The following CALCR variants were observed in gnomAD, a reference collection of about 807,000 sequenced individuals.
CALCR encodes the protein calcitonin receptor.
A neutral mutation model predicts 59.5 loss-of-function variants in CALCR; 47 were observed. The observed-to-expected ratio is 0.79, with a 90% CI of 0.63 to 1.01. The LOEUF (loss-of-function observed/expected upper bound fraction) is 1.01. Ranked by LOEUF, CALCR falls within the 50% of genes least tolerant of loss-of-function variation. The pLI, the probability that CALCR is intolerant of heterozygous loss-of-function variation, is 0.00. For missense variants in CALCR, 566 were observed against 597.1 expected (o/e 0.95, Z 0.54); for synonymous variants, 213 against 211.3 (o/e 1.01, Z -0.07).
intron 2 of CALCR, among the ~76,000 whole-genome samples, chr7:93,523,145 G>C (rs965388800): frequency 6.6e-6 from 1 of 152,124 alleles, no homozygotes; most frequent in Non-Finnish European, 1.5e-5. Flanking sequence ...TAATCAGGTT[G>C]CTAATTTGTT....
chr7:93,458,700 C>A (rs1463009301), intron 8 of CALCR, among the ~76,000 whole-genome samples: 2 of 152,122 alleles, frequency 1.3e-5, no homozygotes, highest in East Asian at 1.9e-4. Flanking sequence ...TCCGCAGGGC[C>A]TCCTTTACCA....
intron 2 of CALCR, among the ~76,000 whole-genome samples, chr7:93,536,174 G>T (rs185428851): frequency 1.3e-5 from 2 of 151,816 alleles, no homozygotes; most frequent in East Asian, 3.9e-4. Flanking sequence ...TGCAGCAAGT[G>T]TAAGAGCATT....
intron 13 of CALCR, among the ~76,000 whole-genome samples, chr7:93,427,315 T>C (rs143854627): frequency 5.8e-4 from 89 of 152,356 alleles, no homozygotes; most frequent in Non-Finnish European, 1.2e-3. Flanking sequence ...TTTGCTTGTC[T>C]AGCTCTGCTT....
At chr7:93,493,074 A>G (rs1388636737) in intron 2 of CALCR, among the ~76,000 whole-genome samples, 1 of 151,328 alleles carries the variant, frequency 6.6e-6, no homozygotes, top group East Asian at 1.9e-4. Context: ...ATGTATTTTC[A>G]TCTACATAAA....
intron 2 of CALCR, among the ~76,000 whole-genome samples, chr7:93,522,724 C>G (rs1423411072): frequency 6.6e-6 from 1 of 152,202 alleles, no homozygotes; most frequent in African/African-American, 2.4e-5. Flanking sequence ...AGCATGCCAT[C>G]TGTGCTCCAG....
At chr7:93,448,367 A>G (rs958202910) in intron 8 of CALCR, among the ~76,000 whole-genome samples, 2 of 152,026 alleles carry the variant, frequency 1.3e-5, no homozygotes, top group Admixed American at 6.6e-5. Flanking sequence ...AGAATTAAAA[A>G]TAACAGCCAT....
chr7:93,530,859 T>C (rs939137111), intron 2 of CALCR, among the ~76,000 whole-genome samples: 2 of 152,100 alleles, frequency 1.3e-5, no homozygotes, highest in African/African-American at 4.8e-5. Flanking sequence ...GTTCTCCAAG[T>C]GTGGTCCCTG....
chr7:93,494,237 T>G (rs1195235269), intron 2 of CALCR, among the ~76,000 whole-genome samples: 1 of 151,402 alleles, frequency 6.6e-6, no homozygotes, highest in Non-Finnish European at 1.5e-5. Context: ...ATGTCATGTA[T>G]TTGATATTTT....
intron 12 of CALCR, 24 bp from the exon 13 acceptor site, chr7:93,434,318 G>T (rs771567294): frequency 1.2e-5 from 19 of 1,573,124 alleles, no homozygotes; most frequent in South Asian, 2.2e-5. Flanking sequence ...GAAAAATACA[G>T]TTGAAGTTAT....
At chr7:93,501,848 T>G (rs911955911) in intron 2 of CALCR, among the ~76,000 whole-genome samples, 19 of 152,122 alleles carry the variant, frequency 1.2e-4, no homozygotes, top group African/African-American at 4.6e-4. Flanking sequence ...CTTCTCCAAC[T>G]GACAGTTGAC....
At chr7:93,470,517 A>G (rs1584561259) in intron 6 of CALCR, among the ~76,000 whole-genome samples, 1 of 151,768 alleles carries the variant, frequency 6.6e-6, no homozygotes, top group African/African-American at 2.4e-5. Context: ...CTTAATTCAT[A>G]TTCTTTTCAG....
chr7:93,465,331 C>G (rs1296897854), intron 7 of CALCR, among the ~76,000 whole-genome samples: 1 of 151,932 alleles, frequency 6.6e-6, no homozygotes, highest in Non-Finnish European at 1.5e-5. Flanking sequence ...TTTCCCAAAC[C>G]AGTCTTCCCT....
At chr7:93,541,709 AT>A (rs1258025892) in intron 2 of CALCR, among the ~76,000 whole-genome samples, 2 of 152,156 alleles carry the variant, frequency 1.3e-5, no homozygotes, top group Non-Finnish European at 2.9e-5. Flanking sequence ...GCTGAGTGCA[AT>A]TCAAGTTCCA....
At chr7:93,468,073 G>C (rs1368258898) in intron 7 of CALCR, among the ~76,000 whole-genome samples, 1 of 151,672 alleles carries the variant, frequency 6.6e-6, no homozygotes, top group African/African-American at 2.4e-5. Flanking sequence ...ATATGTAACA[G>C]TTTCTAACTT....
At chr7:93,436,714 T>C (rs752464348) in intron 11 of CALCR, among the ~76,000 whole-genome samples, 1 of 152,218 alleles carries the variant, frequency 6.6e-6, no homozygotes, top group Non-Finnish European at 1.5e-5. Context: ...ATGAAGATAC[T>C]CAACATAATG....
At chr7:93,482,073 A>C (rs1298313316) in intron 3 of CALCR, among the ~76,000 whole-genome samples, 2 of 151,896 alleles carry the variant, frequency 1.3e-5, no homozygotes, top group Non-Finnish European at 2.9e-5. Context: ...ATAAAGAATC[A>C]TCAGTCATAA....
rs79481528 is a variant in CALCR at position 93,426,070 on chromosome 7, A to C, written c.*286T>G. The C allele has an allele frequency of 2.8e-3, 855 of 307,230 alleles. 4 individuals carry two copies. The highest frequency in any genetic ancestry group is 0.016 in the African/African-American group (773 of 46,890). The allele number at this position is 307,230 out of a possible 1,614,324, so 19.0% of individuals were successfully genotyped here. A position where few individuals can be genotyped will look rare whatever the true frequency, so the allele number is the denominator to read the frequency against. On this transcript the variant is annotated 3_prime_UTR_variant, in exon 14 of 14. Transcript: ENST00000426151. Reference sequence around the variant, plus strand: ...CCTGTATCTGAACTAGGTCAATTTCATTGTTTTTCTTTGATACTTTGCTTG... The same window carrying C: ...CCTGTATCTGAACTAGGTCAATTTCCTTGTTTTTCTTTGATACTTTGCTTG...
intron 3 of CALCR, chr7:93,484,001 A>G: frequency 1.9e-6 from 1 of 520,768 alleles, no homozygotes. Flanking sequence ...CGTCACACAT[A>G]CGACCACCAA....
rs541091049 is a variant in CALCR, at chr7:93,560,321, C to T, written c.-27+13968G>A. Among the ~76,000 whole-genome samples the T allele has an allele frequency of 1.1e-4, 16 of 152,118 alleles. 1 individual carries two copies. In the South Asian group the frequency reaches 3.1e-3, roughly 30 times the overall value. ...ACAATGCTCTACCCTAGAGAGATGA[C>T]GTCACTCTCTAGGTAATTTAAACCA... On this transcript the variant is annotated intron_variant, in intron 2 of 13. Transcript: ENST00000426151.
Sources: gnomAD v4.1 joint callset for allele counts (sites outside exome capture counted in the v4.1 genomes callset) on GRCh38, gnomAD v4.1.1 for gene constraint, MANE v1.5 for transcripts, NCBI Gene and HGNC (gene_info 2026-07-23, HGNC 2026-07-21) for gene names.